The following NLGN1 variants were observed in gnomAD, a reference collection of about 807,000 sequenced individuals.
The protein encoded by NLGN1 is neuroligin 1.
NLGN1 carries 12 observed loss-of-function variants against 65.5 expected under a neutral mutation model. The ratio of observed to expected loss-of-function variants is 0.18; its 90% CI spans 0.12 to 0.30. The LOEUF (loss-of-function observed/expected upper bound fraction) is 0.30, where lower values mean the gene tolerates loss of function less well. Among genes scored for constraint, NLGN1 ranks in the 10% least tolerant of loss-of-function variants. The pLI is 1.00. For missense variants in NLGN1, 750 were observed against 1,007.1 expected (o/e 0.74, Z 3.46); for synonymous variants, 350 against 359.5 (o/e 0.97, Z 0.30).
chr3:173,659,621 A>G (rs1349871733), intron 3 of NLGN1, among the ~76,000 whole-genome samples: 3 of 151,898 alleles, frequency 2.0e-5, no homozygotes, highest in Non-Finnish European at 2.9e-5. Flanking sequence ...TATTGGGTTT[A>G]TTATATATAT....
intron 4 of NLGN1, among the ~76,000 whole-genome samples, chr3:174,154,089 C>A (rs1409067141): frequency 6.6e-6 from 1 of 151,926 alleles, no homozygotes; most frequent in Non-Finnish European, 1.5e-5. Flanking sequence ...GATAATTCAT[C>A]TTTATTGAAT....
At chr3:173,764,301 A>G (rs796660413) in intron 3 of NLGN1, among the ~76,000 whole-genome samples, 3 of 152,322 alleles carry the variant, frequency 2.0e-5, no homozygotes, top group African/African-American at 7.2e-5. Context: ...AAAGTAGGTG[A>G]TAAGTATACT....
intron 4 of NLGN1, among the ~76,000 whole-genome samples, chr3:174,043,544 T>C (rs1335950033): frequency 1.3e-5 from 2 of 152,216 alleles, no homozygotes; most frequent in Admixed American, 6.5e-5. Context: ...CAAAATCCAA[T>C]AGAGCATTCA....
chr3:173,572,159 T>A (rs535190499), intron 2 of NLGN1, among the ~76,000 whole-genome samples: 158 of 152,320 alleles, frequency 1.0e-3, no homozygotes, highest in African/African-American at 3.6e-3. Flanking sequence ...GGATCCCTGT[T>A]CTTAACCCAG....
At chr3:173,699,229 C>T (rs1578011136) in intron 3 of NLGN1, among the ~76,000 whole-genome samples, 1 of 152,212 alleles carries the variant, frequency 6.6e-6, no homozygotes, top group East Asian at 1.9e-4. Flanking sequence ...TATTTCAAAA[C>T]CCAAATTTTA....
At chr3:174,089,149 C>T (rs1744029246) in intron 4 of NLGN1, among the ~76,000 whole-genome samples, 1 of 152,082 alleles carries the variant, frequency 6.6e-6, no homozygotes, top group Admixed American at 6.6e-5. Context: ...GTATATTGTA[C>T]TTTCTATATT....
At chr3:173,955,863 T>C (rs1385621535) in intron 4 of NLGN1, among the ~76,000 whole-genome samples, 1 of 152,132 alleles carries the variant, frequency 6.6e-6, no homozygotes, top group Non-Finnish European at 1.5e-5. Context: ...AAATGGGTCA[T>C]TTTAAATAGA....
chr3:173,911,480 T>C (rs1312045298), intron 4 of NLGN1, among the ~76,000 whole-genome samples: 2 of 152,194 alleles, frequency 1.3e-5, no homozygotes. Flanking sequence ...TCAATATATG[T>C]AAATGTTAGC....
At chr3:173,505,103 A>C (rs768022651) in intron 2 of NLGN1, among the ~76,000 whole-genome samples, 21 of 150,450 alleles carry the variant, frequency 1.4e-4, no homozygotes, top group Non-Finnish European at 2.4e-4. Context: ...TTCCTCTTCC[A>C]TTCTGTGTCT....
intron 4 of NLGN1, among the ~76,000 whole-genome samples, chr3:173,842,433 T>G (rs1724970862): frequency 1.3e-5 from 2 of 152,108 alleles, no homozygotes; most frequent in African/African-American, 4.8e-5. Flanking sequence ...GTCCAAAGTC[T>G]CATCCCAGAC....
intron 4 of NLGN1, among the ~76,000 whole-genome samples, chr3:173,994,217 A>G (rs559194709): frequency 2.6e-5 from 4 of 151,868 alleles, no homozygotes; most frequent in Non-Finnish European, 4.4e-5. Flanking sequence ...AAGTGATCCT[A>G]CTGCCTCTGC....
chr3:174,027,464 C>T (rs1251919983), intron 4 of NLGN1, among the ~76,000 whole-genome samples: 1 of 152,142 alleles, frequency 6.6e-6, no homozygotes, highest in African/African-American at 2.4e-5. Flanking sequence ...CATAAATACA[C>T]AGGTCCACAA....
chr3:173,997,987 A>G (rs1248654510), intron 4 of NLGN1, among the ~76,000 whole-genome samples: 2 of 152,146 alleles, frequency 1.3e-5, no homozygotes, highest in Non-Finnish European at 2.9e-5. Flanking sequence ...ACACTGGGCA[A>G]CATCAATACG....
intron 3 of NLGN1, among the ~76,000 whole-genome samples, chr3:173,719,216 TA>T (rs1400508623): frequency 1.3e-5 from 2 of 152,206 alleles, no homozygotes; most frequent in East Asian, 3.9e-4. Context: ...TTGCTCTAGG[TA>T]ACTGAAAAAT....
intron 3 of NLGN1, among the ~76,000 whole-genome samples, chr3:173,675,574 G>A (rs1763010020): frequency 6.6e-6 from 1 of 152,024 alleles, no homozygotes; most frequent in Admixed American, 6.6e-5. Context: ...AAAAATTTTA[G>A]CCAATTATTT....
At chr3:173,771,742 T>C (rs944639219) in intron 3 of NLGN1, among the ~76,000 whole-genome samples, 3 of 152,178 alleles carry the variant, frequency 2.0e-5, no homozygotes, top group South Asian at 4.1e-4. Flanking sequence ...AGTAAGTTTA[T>C]GCCAACTTTT....
intron 4 of NLGN1, among the ~76,000 whole-genome samples, chr3:174,034,878 G>C (rs1170502894): frequency 1.3e-5 from 2 of 152,084 alleles, no homozygotes; most frequent in African/African-American, 4.8e-5. Context: ...CCAATTAAAA[G>C]ACTGACTGTG....
chr3:173,648,545 C>A (rs1443790029), intron 3 of NLGN1, among the ~76,000 whole-genome samples: 2 of 151,978 alleles, frequency 1.3e-5, no homozygotes, highest in Non-Finnish European at 2.9e-5. Flanking sequence ...CTTTGGAAAA[C>A]AACTGGGTAG....
At chr3:174,124,559 GTATA>G (rs1561100006) in intron 4 of NLGN1, among the ~76,000 whole-genome samples, 1 of 142,280 alleles carries the variant, frequency 7.0e-6, no homozygotes, top group African/African-American at 2.6e-5. Context: ...ATATATATAC[GTATA>G]TATACGTATA....
Sources: allele counts gnomAD v4.1 joint callset (sites outside exome capture counted in the v4.1 genomes callset), GRCh38; gene constraint gnomAD v4.1.1; transcripts MANE v1.5; gene names NCBI Gene and HGNC (gene_info 2026-07-23, HGNC 2026-07-21).